Variants in CGNL1 observed in about 807,000 individuals in gnomAD.
CGNL1 encodes the protein cingulin like 1.
Under a neutral mutation model 141.2 loss-of-function variants are expected in CGNL1, and 132 were observed. The ratio of observed to expected loss-of-function variants is 0.93; its 90% CI spans 0.81 to 1.08. The LOEUF is 1.08. Ranked by LOEUF, CGNL1 falls within the 50% of genes least tolerant of loss-of-function variation. The pLI is 0.00. For missense variants in CGNL1, 1,870 were observed against 1,588.6 expected (o/e 1.18, Z -3.01); for synonymous variants, 690 against 622.1 (o/e 1.11, Z -1.63).
intron 8 of CGNL1, among the ~76,000 whole-genome samples, chr15:57,490,324 G>C (rs975926361): frequency 3.3e-5 from 5 of 152,044 alleles, no homozygotes; most frequent in Admixed American, 6.5e-5. Context: ...TGTTAACGTG[G>C]GCAGGCTTTG....
chr15:57,523,593 G>A lies in CGNL1; in HGVS notation c.2820G>A (p.Glu940=). ...TAAGAAGGTTGAAGAACGAGATGGA[G>A]AATGAGCGGTGGCACCTGGGCAAAA... ...EQLRRLKNEM[E]NERWHLGKTI... is the part of the protein sequence containing the mutation. The change falls in exon 11 of 19, where the codon GAG becomes GAA. Residue 940 remains glutamate, a synonymous_variant. Transcript: ENST00000281282. 6.2e-7 allele frequency: 1 copy of A among 1,614,214 alleles called. No homozygotes were observed. The highest frequency in any genetic ancestry group is 8.5e-7 in the Non-Finnish European group (1 of 1,180,028).
In CGNL1 at chr15:57,543,759, A is replaced by G; in HGVS notation, c.3355A>G (p.Lys1119Glu). ...TGCGAGACAAGACTTGGAGTGCGAC[A>G]AGATTTCCCTGGAGAGGCAGGTGAG... ...RAARQDLECD[K>E]ISLERQNKDL... The change falls in exon 15 of 19, where the codon AAG (lysine) becomes GAG (glutamate). Residue 1119 changes from lysine to glutamate, a missense_variant. Physicochemically the swap from Lys to Glu is moderately conservative, Grantham distance 56. Transcript: ENST00000281282. The G allele has an allele frequency of 3.1e-6, 5 of 1,614,090 alleles. No individual in the cohort carries two copies. In the Middle Eastern group the frequency reaches 6.6e-4, roughly 213 times the overall value.
At chr15:57,378,320 A>G (rs1056569918) in intron 1 of CGNL1, among the ~76,000 whole-genome samples, 14 of 148,544 alleles carry the variant, frequency 9.4e-5, no homozygotes, top group African/African-American at 3.5e-4. Flanking sequence ...CCTGACCACA[A>G]ATCAGTGGTT....
intron 8 of CGNL1, among the ~76,000 whole-genome samples, chr15:57,512,264 C>A (rs569210275): frequency 1.3e-5 from 2 of 152,232 alleles, no homozygotes; most frequent in East Asian, 3.9e-4. Flanking sequence ...TTGCCTTGAA[C>A]AAAAGGTTAG....
chr15:57,437,967 C>T lies in CGNL1; in HGVS notation c.-15-18C>T. On this transcript the variant is annotated intron_variant, in intron 1 of 18. Coordinates refer to ENST00000281282, the MANE Select transcript of CGNL1 (RefSeq NM_032866.5). Reference sequence around the variant, plus strand: ...TTCTAACCTAATGTCCTCTTTTTACCCCATCTCTCCCTGGTAGCTGGAACA... The same window carrying T: ...TTCTAACCTAATGTCCTCTTTTTACTCCATCTCTCCCTGGTAGCTGGAACA... 2 of 1,582,612 alleles carry T rather than the reference C, an allele frequency of 1.3e-6. No homozygotes were observed. Among genetic ancestry groups the T allele is most frequent in the South Asian group, 2.3e-5 (2 of 87,430 alleles).
chr15:57,461,565 T>C (rs2063446423), intron 7 of CGNL1, 115 bp from the exon 8 acceptor site: 2 of 809,596 alleles, frequency 2.5e-6, no homozygotes, highest in Non-Finnish European at 4.2e-6. Context: ...AAGGAGAGAG[T>C]GGCAAGGCCA....
At chr15:57,449,830 G>T (rs555417142) in intron 4 of CGNL1, among the ~76,000 whole-genome samples, 1 of 152,220 alleles carries the variant, frequency 6.6e-6, no homozygotes, top group South Asian at 2.1e-4. Context: ...CACCTTTTCA[G>T]TTTGGCTCAT....
At position 57,379,640 on chromosome 15, in the gene CGNL1, C is replaced by T. The variant is rs1387709142; in HGVS notation, c.-16+3073C>T. 2.6e-5 allele frequency among the ~76,000 whole-genome samples: 4 copies of T among 152,222 alleles called. 1 individual carries two copies. The South Asian group carries it at 8.3e-4, about 32-fold the overall frequency. ...TTCCTTTCTTTTCATCTTCTGATCT[C>T]GGCACTAAAGGGCGGTGGCATGGCT... On this transcript the variant is annotated intron_variant, in intron 1 of 18. Coordinates refer to ENST00000281282, the MANE Select transcript of CGNL1 (RefSeq NM_032866.5).
chr15:57,505,415 A>G (rs1268668060), intron 8 of CGNL1, among the ~76,000 whole-genome samples: 1 of 152,112 alleles, frequency 6.6e-6, no homozygotes, highest in East Asian at 1.9e-4. Flanking sequence ...CAGGATCAGG[A>G]CGTTTCTATT....
chr15:57,465,544 C>A (rs1279855657), intron 8 of CGNL1, among the ~76,000 whole-genome samples: 1 of 151,844 alleles, frequency 6.6e-6, no homozygotes, highest in Admixed American at 6.6e-5. Flanking sequence ...GCATGCGCCA[C>A]CACACCTGAC....
intron 8 of CGNL1, among the ~76,000 whole-genome samples, chr15:57,491,859 T>C (rs1421986065): frequency 6.6e-6 from 1 of 151,928 alleles, no homozygotes; most frequent in Non-Finnish European, 1.5e-5. Context: ...CCAACTCCCC[T>C]CCTCCTCCTC....
chr15:57,488,387 G>T (rs987840750), intron 8 of CGNL1, among the ~76,000 whole-genome samples: 2 of 152,176 alleles, frequency 1.3e-5, no homozygotes, highest in African/African-American at 4.8e-5. Context: ...GAAGCGCAAA[G>T]ATTTTTAATT....
chr15:57,454,002 T>G (rs2063351209), intron 7 of CGNL1, among the ~76,000 whole-genome samples, 184 bp downstream of exon 7: 1 of 152,230 alleles, frequency 6.6e-6, no homozygotes, highest in Admixed American at 6.5e-5. Flanking sequence ...TTGCTAATTA[T>G]TATGGGTTTT....
In CGNL1 at chr15:57,453,825, AG is replaced by A; in HGVS notation, c.2190+10del. The A allele has an allele frequency of 1.2e-6, 2 of 1,612,910 alleles. No homozygotes were observed. The stretch of plus-strand genomic sequence containing the variant: ...GAAGGGAGCTCTGATTGAGGTAAGC[AG>A]GGCTGTGGGGTCAGGTGATAAGACA... On this transcript the variant is annotated splice_region_variant and intron_variant, in intron 7 of 18. Transcript: ENST00000281282.
intron 10 of CGNL1, 152 bp from the exon 11 acceptor site, chr15:57,523,337 A>C: frequency 3.0e-6 from 2 of 665,644 alleles, no homozygotes. Flanking sequence ...ATGCCCTTCT[A>C]TCTCTGACAG....
chr15:57,439,635 T>C, intron 2 of CGNL1, 34 bp downstream of exon 2: 1 of 1,588,216 alleles, frequency 6.3e-7, no homozygotes, highest in Non-Finnish European at 8.6e-7. Flanking sequence ...TGGTTTTTTT[T>C]CTCTTCCTTC....
At chr15:57,495,177 T>A (rs1177900948) in intron 8 of CGNL1, among the ~76,000 whole-genome samples, 4 of 152,178 alleles carry the variant, frequency 2.6e-5, no homozygotes, top group African/African-American at 9.7e-5. Context: ...TCCTGTGAAA[T>A]CTCTGAAATA....
In CGNL1 at chr15:57,545,647, C is replaced by A; in HGVS notation, c.3556C>A (p.Leu1186Met). 6.2e-7 allele frequency: 1 copy of A among 1,613,814 alleles called. No individual in the cohort carries two copies. Among genetic ancestry groups the A allele is most frequent in the Non-Finnish European group, 8.5e-7 (1 of 1,179,944 alleles). ...GCGGCTGGAGCGGAAAGTGAAGGAG[C>A]TGGTGATGCAGGTGGATGATGAGCA... ...NRRLERKVKE[L>M]VMQVDDEHLS... The change falls in exon 17 of 19, where the codon CTG (leucine) becomes ATG (methionine). Residue 1186 changes from leucine (L) to methionine (M), a missense_variant. Physicochemically the swap from Leu to Met is conservative, Grantham distance 15. Transcript: ENST00000281282.
Position 57,452,230 on chromosome 15 carries a change from C to CTCCA in CGNL1, c.1996_1999dup (p.Thr667IlefsTer11). The CTCCA allele has an allele frequency of 5.0e-6, 8 of 1,613,988 alleles. No homozygotes were observed. The highest frequency in any genetic ancestry group is 6.8e-6 in the Non-Finnish European group (8 of 1,179,944). On this transcript the variant is annotated frameshift_variant, in exon 6 of 19. Coordinates refer to ENST00000281282, the MANE Select transcript of CGNL1 (RefSeq NM_032866.5). LOFTEE classifies it high-confidence loss of function. ...AACACAACGAAAAGGTGGAGGAGAA[C>CTCCA]TCCACATTGCAGCAACGACTGGAAG...
Sources: allele counts gnomAD v4.1 joint callset (sites outside exome capture counted in the v4.1 genomes callset), GRCh38; gene constraint gnomAD v4.1.1; transcripts MANE v1.5; gene names NCBI Gene and HGNC (gene_info 2026-07-23, HGNC 2026-07-21).